RANBP9: variants seen among roughly 807,000 people sequenced by gnomAD.
The protein encoded by RANBP9 is ran-binding protein 9.
A neutral mutation model predicts 84.3 loss-of-function variants in RANBP9; 15 were observed. The ratio of observed to expected loss-of-function variants is 0.18; its 90% CI spans 0.12 to 0.27. The LOEUF (loss-of-function observed/expected upper bound fraction) is 0.27, where lower values mean the gene tolerates loss of function less well. Among genes scored for constraint, RANBP9 ranks in the 10% least tolerant of loss-of-function variants. The probability of loss-of-function intolerance (pLI) is 1.00; values close to 1 mark genes in which losing one functional copy is unlikely to be tolerated. For synonymous variants in RANBP9, 392 were observed against 349.6 expected (o/e 1.12, Z -1.35); for missense variants, 809 against 912.8 (o/e 0.89, Z 1.46).
chr6:13,649,530 C>G (rs11753232), intron 5 of RANBP9, among the ~76,000 whole-genome samples: 33,802 of 151,124 alleles, frequency 0.22, 4,357 homozygotes, highest in Admixed American at 0.29. Context: ...AGCATTCTCA[C>G]CAGTCTCTTA....
At chr6:13,661,104 C>T (rs1765530467) in intron 2 of RANBP9, among the ~76,000 whole-genome samples, 1 of 152,184 alleles carries the variant, frequency 6.6e-6, no homozygotes, top group South Asian at 2.1e-4. Context: ...GCCTTCTCCT[C>T]TTGAAAGGAA....
chr6:13,652,642 T>G lies in RANBP9; in HGVS notation c.927+17A>C, dbSNP rs1241462775. ...CTGTAATTAAAAATGGAAAACTGCT[T>G]TTAAAAAAAGTCTTACCGGTAGGTC... On this transcript the variant is annotated intron_variant, in intron 5 of 13. Transcript: ENST00000011619. The G allele has an allele frequency of 6.4e-7, 1 of 1,569,224 alleles. No homozygotes were observed. The highest frequency in any genetic ancestry group is 8.7e-7 in the Non-Finnish European group (1 of 1,148,388).
At chr6:13,634,954 G>T (rs781146030) in intron 10 of RANBP9, among the ~76,000 whole-genome samples, 2 of 152,038 alleles carry the variant, frequency 1.3e-5, no homozygotes, top group African/African-American at 4.8e-5. Flanking sequence ...GTATGTAAGG[G>T]GAAAACCTCA....
At chr6:13,703,246 A>T (rs991060122) in intron 1 of RANBP9, among the ~76,000 whole-genome samples, 2 of 152,076 alleles carry the variant, frequency 1.3e-5, no homozygotes, top group Non-Finnish European at 2.9e-5. Flanking sequence ...TGCTCCCTCT[A>T]GTCTTTCAAT....
Position 13,710,609 on chromosome 6 carries a change from G to A in RANBP9, c.571+326C>T, listed in dbSNP as rs146497001. ...ATGGATTCCTCTACCCAAGCCCCAAGATTTATCTCCCAGGGAAATCAGAAA... is the reference window on the plus strand; with the variant it reads ...ATGGATTCCTCTACCCAAGCCCCAAAATTTATCTCCCAGGGAAATCAGAAA... On this transcript the variant is annotated intron_variant, in intron 1 of 13. Transcript: ENST00000011619. Among the ~76,000 whole-genome samples the A allele has an allele frequency of 5.6e-3, 850 of 152,278 alleles. 3 individuals are homozygous for A. The highest frequency in any genetic ancestry group is 0.019 in the African/African-American group (796 of 41,564).
Position 13,685,382 on chromosome 6 carries a change from T to C in RANBP9, c.683+11403A>G, listed in dbSNP as rs563797633. On this transcript the variant is annotated intron_variant, in intron 2 of 13. Transcript: ENST00000011619. Reference sequence around the variant, plus strand: ...TAAGAAACATACTATAACTGCTACATAGAAATAAATCAATAATAATCCTCT... The same window carrying C: ...TAAGAAACATACTATAACTGCTACACAGAAATAAATCAATAATAATCCTCT... Among the ~76,000 whole-genome samples, 8 of 152,246 alleles carry C rather than the reference T, an allele frequency of 5.3e-5. No individual in the cohort carries two copies. In the South Asian group the frequency reaches 1.0e-3, roughly 20 times the overall value.
At chr6:13,705,868 C>CGAAAAAAAAAAA (rs1758099627) in intron 1 of RANBP9, among the ~76,000 whole-genome samples, 1 of 76,772 alleles carries the variant, frequency 1.3e-5, no homozygotes, top group African/African-American at 5.3e-5. Context: ...GACTCCGTCT[C>CGAAAAAAAAAAA]AAAAAAAAAA....
intron 2 of RANBP9, among the ~76,000 whole-genome samples, chr6:13,690,935 G>A (rs1389942539): frequency 6.6e-6 from 1 of 152,166 alleles, no homozygotes; most frequent in Non-Finnish European, 1.5e-5. Context: ...GGAGGCCGAG[G>A]TGGGTGGATC....
At chr6:13,634,029 A>G (rs1764868064) in intron 11 of RANBP9, among the ~76,000 whole-genome samples, 1 of 144,282 alleles carries the variant, frequency 6.9e-6, no homozygotes, top group Non-Finnish European at 1.5e-5. Context: ...ACACACGTTT[A>G]CGTTAAACTC....
chr6:13,710,905 C>T, intron 1 of RANBP9, 30 bp downstream of exon 1: 2 of 1,571,200 alleles, frequency 1.3e-6, no homozygotes, highest in African/African-American at 2.8e-5. Context: ...GTCAGTGCCC[C>T]ACTCCCACCG....
intron 4 of RANBP9, among the ~76,000 whole-genome samples, chr6:13,655,007 G>C (rs1765368096): frequency 1.3e-5 from 2 of 152,230 alleles, no homozygotes; most frequent in South Asian, 4.1e-4. Context: ...AGAAAACTGA[G>C]GCACAGAAAT....
intron 2 of RANBP9, among the ~76,000 whole-genome samples, chr6:13,684,461 C>T (rs1766120859): frequency 6.6e-6 from 1 of 152,220 alleles, no homozygotes; most frequent in Non-Finnish European, 1.5e-5. Context: ...ACCTCAATTA[C>T]TACAATTGTT....
intron 2 of RANBP9, among the ~76,000 whole-genome samples, chr6:13,677,469 T>C (rs1442279135): frequency 6.6e-6 from 1 of 152,194 alleles, no homozygotes; most frequent in Non-Finnish European, 1.5e-5. Context: ...GGGATCTTTT[T>C]TTTATCTTAC....
At chr6:13,690,045 T>C (rs1452609752) in intron 2 of RANBP9, among the ~76,000 whole-genome samples, 1 of 152,172 alleles carries the variant, frequency 6.6e-6, no homozygotes, top group East Asian at 1.9e-4. Context: ...CCCTTTACGA[T>C]GTTCATAAAA....
intron 1 of RANBP9, among the ~76,000 whole-genome samples, chr6:13,703,966 C>T (rs962616565): frequency 6.6e-6 from 1 of 152,190 alleles, no homozygotes; most frequent in Non-Finnish European, 1.5e-5. Flanking sequence ...TGGTTCACTG[C>T]AAGAGCCTAA....
intron 11 of RANBP9, among the ~76,000 whole-genome samples, chr6:13,633,891 T>G (rs1311603595): frequency 1.3e-5 from 2 of 152,060 alleles, no homozygotes; most frequent in East Asian, 1.9e-4. Context: ...GTCTACAAAA[T>G]AAAATTATGC....
Position 13,711,341 on chromosome 6 carries a change from C to A in RANBP9, c.165G>T (p.Ala55=). 8.9e-7 allele frequency: 1 copy of A among 1,128,630 alleles called. No homozygotes were observed. The highest frequency in any genetic ancestry group is 4.3e-5 in the South Asian group (1 of 23,302). The allele number at this position is 1,128,630 out of a possible 1,614,324, so 69.9% of individuals were successfully genotyped here. A position where few individuals can be genotyped will look rare whatever the true frequency, so the allele number is the denominator to read the frequency against. The part of the protein sequence containing the change: ...SSPAGSPGGG[A]GGEGLGAAAA... ...CCGCGGCCCCTAAGCCTTCGCCGCC[C>A]GCACCGCCGCCGGGCGAGCCGGCCG... The change falls in exon 1 of 14, where the codon GCG becomes GCT. Residue 55 remains alanine (A), a synonymous_variant. Transcript: ENST00000011619.
At chr6:13,658,752 T>C in intron 3 of RANBP9, 28 bp downstream of exon 3, 2 of 1,518,972 alleles carry the variant, frequency 1.3e-6, no homozygotes, top group Non-Finnish European at 1.8e-6. Context: ...TCATAAGACA[T>C]AATACTGTAA....
At chr6:13,696,210 A>G (rs1346401606) in intron 2 of RANBP9, among the ~76,000 whole-genome samples, 2 of 152,190 alleles carry the variant, frequency 1.3e-5, no homozygotes, top group African/African-American at 4.8e-5. Flanking sequence ...TAATAGTCTC[A>G]TAAGTGAATT....
Sources: allele counts gnomAD v4.1 joint callset (sites outside exome capture counted in the v4.1 genomes callset), GRCh38; gene constraint gnomAD v4.1.1; transcripts MANE v1.5; gene names NCBI Gene and HGNC (gene_info 2026-07-23, HGNC 2026-07-21).